The following IL1RAPL2 variants were observed in gnomAD, a reference collection of about 807,000 sequenced individuals.
IL1RAPL2 encodes interleukin 1 receptor accessory protein like 2, also known as X-linked interleukin-1 receptor accessory protein-like 2.
Under a neutral mutation model 44.1 loss-of-function variants are expected in IL1RAPL2, and 3 were observed. The ratio of observed to expected loss-of-function variants is 0.07; its 90% CI spans 0.03 to 0.18. IL1RAPL2 has a LOEUF of 0.18. Among genes scored for constraint, IL1RAPL2 ranks in the 10% least tolerant of loss-of-function variants. The pLI, the probability that IL1RAPL2 is intolerant of heterozygous loss-of-function variation, is 1.00. For synonymous variants in IL1RAPL2, 181 were observed against 178.8 expected (o/e 1.01, Z -0.10); for missense variants, 391 against 496.4 (o/e 0.79, Z 2.02).
intron 2 of IL1RAPL2, among the ~76,000 whole-genome samples, chrX:105,130,866 T>C: frequency 1.8e-5 from 2 of 111,380 alleles, no homozygotes; most frequent in Middle Eastern, 4.6e-3. Flanking sequence ...AAGAGCTTAC[T>C]AGAAACAGAA....
chrX:105,747,448 T>TTCTCTC (rs746410456), intron 8 of IL1RAPL2, among the ~76,000 whole-genome samples: 21 of 84,654 alleles, frequency 2.5e-4, no homozygotes, highest in Non-Finnish European at 4.5e-4. Flanking sequence ...TGATTGGCTG[T>TTCTCTC]TCTCTCTCTC....
chrX:105,639,098 G>C (rs753463855), intron 6 of IL1RAPL2, among the ~76,000 whole-genome samples: 1 of 111,445 alleles, frequency 9.0e-6, no homozygotes, highest in African/African-American at 3.3e-5. Flanking sequence ...TTCCCAGTTA[G>C]TATTAAGTTA....
chrX:104,889,514 C>A (rs1923353792), intron 2 of IL1RAPL2, among the ~76,000 whole-genome samples: 1 of 111,891 alleles, frequency 8.9e-6, no homozygotes. Context: ...CGACCTATAT[C>A]TGCATTCCTA....
intron 2 of IL1RAPL2, among the ~76,000 whole-genome samples, chrX:104,845,740 A>T (rs767203871): frequency 3.2e-3 from 358 of 111,912 alleles, no homozygotes; most frequent in Non-Finnish European, 4.9e-3. Flanking sequence ...TTTTAGCACA[A>T]ATGACTCCAT....
intron 5 of IL1RAPL2, among the ~76,000 whole-genome samples, chrX:105,329,576 A>G (rs765832142): frequency 2.7e-5 from 3 of 112,103 alleles, no homozygotes; most frequent in Non-Finnish European, 5.6e-5. Flanking sequence ...TTGGCTATGA[A>G]CAGGTGGGAT....
At chrX:105,266,824 A>G (rs1317485685) in intron 4 of IL1RAPL2, among the ~76,000 whole-genome samples, 1 of 111,590 alleles carries the variant, frequency 9.0e-6, no homozygotes, top group Non-Finnish European at 1.9e-5. Flanking sequence ...CTACCCCCAC[A>G]TGGATTTCTT....
At chrX:105,280,583 G>GA (rs750040195) in intron 5 of IL1RAPL2, among the ~76,000 whole-genome samples, 22 of 106,391 alleles carry the variant, frequency 2.1e-4, no homozygotes, top group Admixed American at 6.1e-4. Flanking sequence ...AAATTTACAA[G>GA]AAAAAAAAAA....
intron 5 of IL1RAPL2, among the ~76,000 whole-genome samples, chrX:105,316,322 C>A (rs936809257): frequency 3.6e-5 from 4 of 110,616 alleles, no homozygotes; most frequent in Admixed American, 9.6e-5. Flanking sequence ...TGGTGATGGG[C>A]CATTATAAAA....
intron 2 of IL1RAPL2, among the ~76,000 whole-genome samples, chrX:104,971,378 C>T (rs1018084269): frequency 5.4e-5 from 6 of 110,937 alleles, no homozygotes; most frequent in Admixed American, 2.9e-4. Flanking sequence ...TAAAGGTCTT[C>T]GGAGAGGTAA....
intron 2 of IL1RAPL2, among the ~76,000 whole-genome samples, chrX:104,942,919 A>C (rs183251492): frequency 2.2e-4 from 24 of 111,544 alleles, no homozygotes; most frequent in Admixed American, 4.8e-4. Context: ...GTTGAATTTT[A>C]TCGAAGGCCT....
intron 6 of IL1RAPL2, among the ~76,000 whole-genome samples, chrX:105,498,568 G>A (rs1243545123): frequency 9.0e-6 from 1 of 110,761 alleles, no homozygotes; most frequent in Non-Finnish European, 1.9e-5. Context: ...AAACACAAAG[G>A]TCCCCAAATA....
At chrX:105,390,093 T>C (rs1332249936) in intron 5 of IL1RAPL2, among the ~76,000 whole-genome samples, 1 of 112,067 alleles carries the variant, frequency 8.9e-6, no homozygotes, top group Non-Finnish European at 1.9e-5. Context: ...TTTTTCATTA[T>C]GTTTCCATGT....
intron 2 of IL1RAPL2, among the ~76,000 whole-genome samples, chrX:104,701,769 G>A (rs1434479573): frequency 4.5e-5 from 5 of 111,426 alleles, no homozygotes; most frequent in African/African-American, 1.6e-4. Flanking sequence ...TCTTAGTACA[G>A]GTTATTTATA....
At chrX:105,220,473 G>A in intron 3 of IL1RAPL2, 1 of 928,814 alleles carries the variant, frequency 1.1e-6, no homozygotes, top group Non-Finnish European at 1.4e-6. Context: ...CTCCCCCTTA[G>A]CCCCTCCCCT....
chrX:105,203,246 C>T (rs1349499239), intron 3 of IL1RAPL2, among the ~76,000 whole-genome samples: 1 of 111,926 alleles, frequency 8.9e-6, no homozygotes, highest in Non-Finnish European at 1.9e-5. Flanking sequence ...ATTCTCCTCT[C>T]TCTCTCCCAT....
chrX:105,550,551 C>G (rs190943713), intron 6 of IL1RAPL2, among the ~76,000 whole-genome samples: 1 of 111,884 alleles, frequency 8.9e-6, no homozygotes, highest in Non-Finnish European at 1.9e-5. Flanking sequence ...CTGAAGTCAT[C>G]AGTGTGTTCT....
intron 2 of IL1RAPL2, among the ~76,000 whole-genome samples, chrX:104,764,152 G>C (rs1486059425): frequency 1.8e-5 from 2 of 110,622 alleles, no homozygotes; most frequent in African/African-American, 3.3e-5. Flanking sequence ...GCTTTGGGCT[G>C]TATGGACATT....
In IL1RAPL2 at chrX:104,747,714, T is replaced by G. The variant is rs542229784; in HGVS notation, c.82+88719T>G. Among the ~76,000 whole-genome samples, 37 of 111,376 alleles carry G rather than the reference T, an allele frequency of 3.3e-4. No individual in the cohort carries two copies. In the South Asian group the frequency reaches 0.013, roughly 40 times the overall value. On this transcript the variant is annotated intron_variant, in intron 2 of 10. Coordinates refer to ENST00000372582, the MANE Select transcript of IL1RAPL2 (RefSeq NM_017416.2). ...GAGCATTGGAGGCATGGGAATGGCA[T>G]ATGGAAAGGCCCTGTGGAAAGAGGA...
chrX:104,948,659 G>A (rs1158407846), intron 2 of IL1RAPL2, among the ~76,000 whole-genome samples: 1 of 111,288 alleles, frequency 9.0e-6, no homozygotes, highest in Admixed American at 9.6e-5. Context: ...GGCCTTTTCT[G>A]CATCTATTGA....
Sources: gnomAD v4.1 joint callset for allele counts (sites outside exome capture counted in the v4.1 genomes callset) on GRCh38, gnomAD v4.1.1 for gene constraint, MANE v1.5 for transcripts, NCBI Gene and HGNC (gene_info 2026-07-23, HGNC 2026-07-21) for gene names.